PLCB4: variants seen among roughly 807,000 people sequenced by gnomAD.
PLCB4 encodes the protein 1-phosphatidylinositol 4,5-bisphosphate phosphodiesterase beta-4.
A neutral mutation model predicts 178.8 loss-of-function variants in PLCB4; 77 were observed. The ratio of observed to expected loss-of-function variants is 0.43; its 90% CI spans 0.36 to 0.52. PLCB4 has a LOEUF of 0.52. Ranked by LOEUF, PLCB4 falls within the 20% of genes least tolerant of loss-of-function variation. The pLI is 0.00. For synonymous variants in PLCB4, 496 were observed against 490.8 expected (o/e 1.01, Z -0.14); for missense variants, 1,024 against 1,453.4 (o/e 0.70, Z 4.80).
At chr20:9,120,725 G>T (rs1323526137) in intron 2 of PLCB4, among the ~76,000 whole-genome samples, 1 of 143,098 alleles carries the variant, frequency 7.0e-6, no homozygotes, top group Non-Finnish European at 1.6e-5. Context: ...CCCTGCTGCA[G>T]TCTTCCATGG....
At chr20:9,412,894 C>T (rs1325775429) in intron 25 of PLCB4, among the ~76,000 whole-genome samples, 1 of 152,176 alleles carries the variant, frequency 6.6e-6, no homozygotes, top group Non-Finnish European at 1.5e-5. Flanking sequence ...GAATAAAGTC[C>T]ACTTTACCAT....
chr20:9,382,481 T>G (rs114079371), intron 13 of PLCB4, among the ~76,000 whole-genome samples: 400 of 152,386 alleles, frequency 2.6e-3, no homozygotes, highest in African/African-American at 9.1e-3. Context: ...ATGTAGCCTT[T>G]GGCTCCATCT....
chr20:9,117,310 G>C (rs1343551214), intron 2 of PLCB4, among the ~76,000 whole-genome samples: 1 of 152,072 alleles, frequency 6.6e-6, no homozygotes, highest in Non-Finnish European at 1.5e-5. Context: ...TCTGTCAAAG[G>C]GTGTGAACAT....
intron 3 of PLCB4, among the ~76,000 whole-genome samples, chr20:9,218,451 A>G (rs780115149): frequency 1.3e-5 from 2 of 152,182 alleles, no homozygotes; most frequent in Non-Finnish European, 2.9e-5. Context: ...CATTTGGACT[A>G]TGTATCATTT....
In PLCB4 at chr20:9,408,069, A is replaced by C. The variant is rs764235953; in HGVS notation, c.1789+11A>C. 2 of 1,605,398 alleles carry C rather than the reference A, an allele frequency of 1.2e-6. No homozygotes were observed. Among genetic ancestry groups the C allele is most frequent in the Non-Finnish European group, 1.7e-6 (2 of 1,176,482 alleles). On this transcript the variant is annotated intron_variant, in intron 22 of 39. Coordinates refer to ENST00000378473, the MANE Select transcript of PLCB4 (RefSeq NM_001377142.1). ...TCCATGTGGCAGAAGGTAACACCAA[A>C]GGTTAAATGCAGTCGCCTTTTTTGC... is the stretch of plus-strand genomic sequence containing the variant.
chr20:9,337,903 A>C (rs2032680535), intron 5 of PLCB4, 105 bp from the exon 6 acceptor site: 1 of 719,818 alleles, frequency 1.4e-6, no homozygotes, highest in South Asian at 1.6e-5. Context: ...AGCTGACTGT[A>C]ATCAGCACTG....
chr20:9,161,493 A>G (rs1013851879), intron 2 of PLCB4, among the ~76,000 whole-genome samples: 7 of 152,228 alleles, frequency 4.6e-5, no homozygotes, highest in African/African-American at 1.7e-4. Flanking sequence ...CTTACCTACC[A>G]TGTTGTGCTG....
intron 17 of PLCB4, among the ~76,000 whole-genome samples, chr20:9,392,072 A>T (rs2038192978): frequency 6.6e-6 from 1 of 152,190 alleles, no homozygotes; most frequent in Non-Finnish European, 1.5e-5. Flanking sequence ...GTTTTTACCT[A>T]GGCCCTCCAT....
At chr20:9,469,733 G>A (rs2044052096) in intron 36 of PLCB4, among the ~76,000 whole-genome samples, 3 of 152,186 alleles carry the variant, frequency 2.0e-5, no homozygotes, top group Admixed American at 2.0e-4. Context: ...CTGAGACTGG[G>A]GGGAAGGTTT....
chr20:9,295,068 C>T (rs185282049), intron 3 of PLCB4, among the ~76,000 whole-genome samples: 69 of 152,234 alleles, frequency 4.5e-4, no homozygotes, highest in Admixed American at 3.3e-3. Context: ...TCCTCTGTGA[C>T]CAGGAAGCCC....
At chr20:9,388,775 C>A (rs1346458889) in intron 15 of PLCB4, among the ~76,000 whole-genome samples, 1 of 152,118 alleles carries the variant, frequency 6.6e-6, no homozygotes, top group Non-Finnish European at 1.5e-5. Flanking sequence ...TTCTCTTAGC[C>A]AAGATATTGG....
chr20:9,072,961 G>A (rs1009363424), intron 1 of PLCB4, among the ~76,000 whole-genome samples: 2 of 152,062 alleles, frequency 1.3e-5, no homozygotes, highest in Admixed American at 6.6e-5. Flanking sequence ...AACCTTCAAT[G>A]AGAATGTCAC....
In PLCB4 at chr20:9,154,259, C is replaced by T. The variant is rs142624635; in HGVS notation, c.-79+57917C>T. Among the ~76,000 whole-genome samples, 539 of 152,164 alleles carry T rather than the reference C, an allele frequency of 3.5e-3. 5 individuals carry two copies. The highest frequency in any genetic ancestry group is 0.012 in the African/African-American group (511 of 41,500). On this transcript the variant is annotated intron_variant, in intron 2 of 39. Coordinates refer to ENST00000378473, the MANE Select transcript of PLCB4 (RefSeq NM_001377142.1). ...ACACTTTAAAAAAATTTTTCTTGAC[C>T]AATATTTGGTCACATGGTCACATCT...
chr20:9,410,554 A>G (rs1310554404), intron 24 of PLCB4, among the ~76,000 whole-genome samples: 1 of 152,208 alleles, frequency 6.6e-6, no homozygotes, highest in African/African-American at 2.4e-5. Context: ...CTGCCAGTGT[A>G]GACCCCACTA....
chr20:9,437,088 G>C lies in PLCB4; in HGVS notation c.2700G>C (p.Gln900His). ...CCGCCAAAGCAAATGTGACCCCTCAGAGTAGCTCTGAGCTCAGACCAACCA... is the reference window on the plus strand; with the variant it reads ...CCGCCAAAGCAAATGTGACCCCTCACAGTAGCTCTGAGCTCAGACCAACCA... ...ANTAKANVTP[Q>H]SSSELRPTTT... Residue 900 changes from glutamine to histidine, a missense_variant, in exon 30 of 40, where the codon CAG becomes CAC. Around this residue, in one of 7 missense-constraint regions of PLCB4, gnomAD observed 227 missense variants for 374.3 expected, o/e 0.61. Coordinates refer to ENST00000378473, the MANE Select transcript of PLCB4 (RefSeq NM_001377142.1). 2 of 1,614,086 alleles carry C rather than the reference G, an allele frequency of 1.2e-6. No individual in the cohort carries two copies. The highest frequency in any genetic ancestry group is 1.7e-6 in the Non-Finnish European group (2 of 1,179,978).
intron 19 of PLCB4, among the ~76,000 whole-genome samples, chr20:9,400,251 A>T (rs1053051657): frequency 4.9e-4 from 75 of 152,152 alleles, no homozygotes; most frequent in African/African-American, 1.8e-3. Context: ...AAAACAGTCT[A>T]TCTAGAAATT....
intron 24 of PLCB4, among the ~76,000 whole-genome samples, chr20:9,409,687 A>G (rs2039716299): frequency 6.6e-6 from 1 of 152,340 alleles, no homozygotes; most frequent in African/African-American, 2.4e-5. Flanking sequence ...AAGGAGTTAC[A>G]TATTTGAAGA....
intron 2 of PLCB4, among the ~76,000 whole-genome samples, chr20:9,199,577 G>A (rs1294371703): frequency 4.6e-5 from 7 of 152,038 alleles, no homozygotes; most frequent in African/African-American, 9.7e-5. Context: ...AAGGTTGTCC[G>A]GTACCACTTA....
intron 37 of PLCB4, 46 bp from the exon 38 acceptor site, chr20:9,473,233 G>A (rs1033929369): frequency 8.1e-7 from 1 of 1,231,942 alleles, no homozygotes; most frequent in Non-Finnish European, 1.1e-6. Flanking sequence ...TTTTAAGATT[G>A]TAACCCAAAG....
Sources: allele counts gnomAD v4.1 joint callset (sites outside exome capture counted in the v4.1 genomes callset), GRCh38; gene constraint gnomAD v4.1.1; regional missense constraint gnomAD v4.1.1; transcripts MANE v1.5; gene names NCBI Gene and HGNC (gene_info 2026-07-23, HGNC 2026-07-21).